The following LIPN variants were observed in gnomAD, a reference collection of about 807,000 sequenced individuals.
LIPN encodes lipase family member N.
Under a neutral mutation model 43.7 loss-of-function variants are expected in LIPN, and 32 were observed. The observed-to-expected ratio is 0.73, with a 90% CI of 0.55 to 0.98. The LOEUF (loss-of-function observed/expected upper bound fraction) is 0.98. LIPN is among the 50% of genes least tolerant of loss of function. The probability of loss-of-function intolerance (pLI) is 0.00; values close to 1 mark genes in which losing one functional copy is unlikely to be tolerated. For missense variants in LIPN, 505 were observed against 483.8 expected (o/e 1.04, Z -0.41); for synonymous variants, 156 against 157.6 (o/e 0.99, Z 0.08).
rs867085490 is a variant in LIPN, at chr10:88,768,944, C to T, written c.672+16C>T. The T allele has an allele frequency of 6.2e-7, 1 of 1,606,898 alleles. No individual in the cohort carries two copies. The highest frequency in any genetic ancestry group is 1.7e-4 in the Middle Eastern group (1 of 6,016). On this transcript the variant is annotated intron_variant, in intron 6 of 9. Coordinates refer to ENST00000404459, the MANE Select transcript of LIPN (RefSeq NM_001102469.2). ...CATAATCAAGGTAGGCTCCTTTCAA[C>T]AAAATGTACCTGAGGATCTCATTTT...
At chr10:88,768,149 T>A (rs1843142822) in intron 5 of LIPN, among the ~76,000 whole-genome samples, 1 of 151,416 alleles carries the variant, frequency 6.6e-6, no homozygotes, top group Non-Finnish European at 1.5e-5. Flanking sequence ...CTAATCTCCA[T>A]CCTCACAGAT....
intron 3 of LIPN, among the ~76,000 whole-genome samples, chr10:88,763,313 GCTTA>G (rs1458187248): frequency 6.6e-6 from 1 of 151,872 alleles, no homozygotes; most frequent in Non-Finnish European, 1.5e-5. Context: ...GGAACTTTTT[GCTTA>G]CTTTTGTTTT....
chr10:88,771,114 T>C, intron 7 of LIPN, 123 bp downstream of exon 7: 1 of 786,194 alleles, frequency 1.3e-6, no homozygotes, highest in Non-Finnish European at 1.9e-6. Context: ...AAAGACAGAT[T>C]TTTTTTTGCT....
Position 88,764,620 on chromosome 10 carries a change from C to A in LIPN, c.425+12C>A, listed in dbSNP as rs1041096105. On this transcript the variant is annotated intron_variant, in intron 4 of 9. Transcript: ENST00000404459. ...TTCTGGGCCTTTAGGTAAATATTAGCTAAGAAAACTCAAGGGGGAAATTGG... is the reference window on the plus strand; with the variant it reads ...TTCTGGGCCTTTAGGTAAATATTAGATAAGAAAACTCAAGGGGGAAATTGG... 9.0e-6 allele frequency: 14 copies of A among 1,559,082 alleles called. No homozygotes were observed. The highest frequency in any genetic ancestry group is 1.2e-5 in the Non-Finnish European group (14 of 1,150,704).
chr10:88,763,867 C>T (rs903757006), intron 3 of LIPN, among the ~76,000 whole-genome samples: 1 of 151,992 alleles, frequency 6.6e-6, no homozygotes, highest in Admixed American at 6.6e-5. Context: ...TCCATTTACA[C>T]TCACCTCCTC....
intron 4 of LIPN, among the ~76,000 whole-genome samples, chr10:88,765,273 G>C (rs1358979068): frequency 6.6e-6 from 1 of 151,996 alleles, no homozygotes; most frequent in Non-Finnish European, 1.5e-5. Context: ...GCCTGCGATA[G>C]ACTTTTCTTT....
chr10:88,774,740 A>G (rs1843268572), intron 8 of LIPN, among the ~76,000 whole-genome samples, 196 bp downstream of exon 8: 1 of 151,700 alleles, frequency 6.6e-6, no homozygotes, highest in South Asian at 2.1e-4. Flanking sequence ...AGTAGATGAC[A>G]TAAATGAACA....
chr10:88,761,910 G>A (rs1843007761), intron 2 of LIPN, among the ~76,000 whole-genome samples: 1 of 151,862 alleles, frequency 6.6e-6, no homozygotes, highest in African/African-American at 2.4e-5. Context: ...TAAAGCAAGA[G>A]GGGTCTCAAA....
Position 88,774,475 on chromosome 10 carries a change from T to A in LIPN, c.822T>A (p.Ser274Arg). 6.2e-7 allele frequency: 1 copy of A among 1,608,328 alleles called. No homozygotes were observed. The highest frequency in any genetic ancestry group is 1.1e-5 in the South Asian group (1 of 90,446). Residue 274 changes from serine (S) to arginine (R), a missense_variant and splice_region_variant, in exon 8 of 10, where the codon AGT becomes AGA. By Grantham distance (110) the Ser-to-Arg change is moderately radical (BLOSUM62 -1). Transcript: ENST00000404459. ...AATATGAGTTTTATCTCCTTTAGAG[T>A]CGAATGGATGTGTATATGTCACATG... Reference protein sequence around the residue: ...AGSNKKNMNQSRMDVYMSHAP... With the variant: ...AGSNKKNMNQRRMDVYMSHAP...
At chr10:88,769,208 T>G (rs557240716) in intron 6 of LIPN, among the ~76,000 whole-genome samples, 2 of 152,012 alleles carry the variant, frequency 1.3e-5, no homozygotes, top group East Asian at 3.9e-4. Flanking sequence ...ACAACAAGGA[T>G]TTTTCTTGTT....
rs559929010 is a variant in LIPN, at chr10:88,777,950, T to G, written c.964-59T>G. 3.5e-5 allele frequency: 36 copies of G among 1,015,234 alleles called. No individual in the cohort carries two copies. The East Asian group carries it at 8.2e-4, about 23-fold the overall frequency. 62.9% of individuals were successfully genotyped at this position (1,015,234 alleles called of 1,614,324 possible). ...ATTGTCCACATTCATTTAGCAGCCT[T>G]TGTAGTTATTGCTTTGAGGAGCTTC... On this transcript the variant is annotated intron_variant, in intron 9 of 9. Transcript: ENST00000404459.
At chr10:88,764,629 C>T (rs1304918122) in intron 4 of LIPN, 21 bp downstream of exon 4, 2 of 1,539,298 alleles carry the variant, frequency 1.3e-6, no homozygotes, top group Admixed American at 2.0e-5. Context: ...GCTAAGAAAA[C>T]TCAAGGGGGA....
At chr10:88,772,810 A>G (rs1467585110) in intron 7 of LIPN, among the ~76,000 whole-genome samples, 2 of 151,750 alleles carry the variant, frequency 1.3e-5, no homozygotes. Context: ...CAACATCAAC[A>G]TACAAAATTC....
chr10:88,772,524 T>C (rs1287920481), intron 7 of LIPN, among the ~76,000 whole-genome samples: 1 of 152,004 alleles, frequency 6.6e-6, no homozygotes. Context: ...CTTTGCCCAA[T>C]GTATGTTCTT....
chr10:88,762,142 T>C lies in LIPN; in HGVS notation c.109-46T>C, dbSNP rs373842564. 2.2e-5 allele frequency: 22 copies of C among 978,340 alleles called. No individual in the cohort carries two copies. In the East Asian group the frequency reaches 3.3e-4, roughly 15 times the overall value. 60.6% of individuals were successfully genotyped at this position (978,340 alleles called of 1,614,324 possible). ...GATGGTTTGTTTTGATTCCTTTTTA[T>C]ATCCTTTGGAGAAGTTCCACTAACG... On this transcript the variant is annotated intron_variant, in intron 2 of 9. Coordinates refer to ENST00000404459, the MANE Select transcript of LIPN (RefSeq NM_001102469.2).
rs368088156 is a variant in LIPN at position 88,778,040 on chromosome 10, T to C, written c.995T>C (p.Met332Thr). 3 of 1,613,286 alleles carry C rather than the reference T, an allele frequency of 1.9e-6. No homozygotes were observed. In the African/African-American group the frequency reaches 4.0e-5, roughly 22 times the overall value. Residue 332 changes from methionine (M) to threonine (T), a missense_variant, in exon 10 of 10, where the codon ATG (methionine) becomes ACG (threonine). Physicochemically the swap from Met to Thr is moderately conservative, Grantham distance 81. Coordinates refer to ENST00000404459, the MANE Select transcript of LIPN (RefSeq NM_001102469.2). ...CCCCCTATATATGACCTGACTGCCA[T>C]GAAAGTGCCTACTGCTATTTGGGCT... ...SHPPIYDLTAMKVPTAIWAGG... is the reference protein window; with the variant it reads ...SHPPIYDLTATKVPTAIWAGG...
At chr10:88,766,768 C>T (rs974197628) in intron 5 of LIPN, among the ~76,000 whole-genome samples, 5 of 151,956 alleles carry the variant, frequency 3.3e-5, no homozygotes, top group African/African-American at 1.2e-4. Context: ...CTCTTTCTCA[C>T]AACCCAAATG....
intron 6 of LIPN, among the ~76,000 whole-genome samples, chr10:88,770,523 C>A (rs964984060): frequency 2.6e-5 from 4 of 151,764 alleles, no homozygotes; most frequent in Admixed American, 2.6e-4. Flanking sequence ...ATTGCAATCT[C>A]CTTGTAAATA....
rs757739823 is a variant in LIPN at position 88,774,454 on chromosome 10, T to C, written c.820-19T>C. The stretch of plus-strand genomic sequence containing the variant: ...ATTTTGTTGGGCAATTGCTGTAATA[T>C]GAGTTTTATCTCCTTTAGAGTCGAA... On this transcript the variant is annotated intron_variant, in intron 7 of 9. Coordinates refer to ENST00000404459, the MANE Select transcript of LIPN (RefSeq NM_001102469.2). 3 of 1,584,552 alleles carry C rather than the reference T, an allele frequency of 1.9e-6. No individual in the cohort carries two copies. Among genetic ancestry groups the C allele is most frequent in the African/African-American group, 2.7e-5 (2 of 73,930 alleles).
Sources: gnomAD v4.1 joint callset for allele counts (sites outside exome capture counted in the v4.1 genomes callset) on GRCh38, gnomAD v4.1.1 for gene constraint, MANE v1.5 for transcripts, NCBI Gene and HGNC (gene_info 2026-07-23, HGNC 2026-07-21) for gene names.